The following LRRC4C variants were observed in gnomAD, a reference collection of about 807,000 sequenced individuals.
LRRC4C encodes leucine-rich repeat-containing protein 4C.
In LRRC4C, 5 loss-of-function variants were observed where a neutral mutation model predicts 33.6. The ratio of observed to expected loss-of-function variants is 0.15; its 90% CI spans 0.08 to 0.31. LRRC4C has a LOEUF of 0.31. Among genes scored for constraint, LRRC4C ranks in the 10% least tolerant of loss-of-function variants. LRRC4C has a pLI of 1.00. For missense variants in LRRC4C, 560 were observed against 796.7 expected, an observed-to-expected ratio of 0.70 and a Z score of 3.58; for synonymous variants, 329 against 302.0, an observed-to-expected ratio of 1.09 and a Z score of -0.93.
chr11:40,726,110 A>C (rs1358048551), intron 2 of LRRC4C, among the ~76,000 whole-genome samples: 2 of 152,062 alleles, frequency 1.3e-5, no homozygotes, highest in South Asian at 2.1e-4. Context: ...TGAAAGCCTG[A>C]AAAGACCAAT....
At chr11:41,011,711 C>T (rs540615488) in intron 1 of LRRC4C, among the ~76,000 whole-genome samples, 11 of 150,924 alleles carry the variant, frequency 7.3e-5, no homozygotes, top group South Asian at 4.2e-4. Context: ...TCACTAAGCC[C>T]GGGTTTCTAT....
At chr11:40,118,254 A>T (rs938714690) in intron 6 of LRRC4C, among the ~76,000 whole-genome samples, 1 of 149,264 alleles carries the variant, frequency 6.7e-6, no homozygotes, top group African/African-American at 2.4e-5. Flanking sequence ...ACAATAAATT[A>T]ATATAAAATA....
chr11:40,384,984 T>G (rs1349538953), intron 3 of LRRC4C, among the ~76,000 whole-genome samples: 2 of 152,222 alleles, frequency 1.3e-5, no homozygotes, highest in Admixed American at 6.5e-5. Context: ...CATATTTTTG[T>G]ATTGTTTTGT....
intron 1 of LRRC4C, among the ~76,000 whole-genome samples, chr11:41,077,141 G>T (rs1010978319): frequency 5.9e-5 from 9 of 152,190 alleles, no homozygotes; most frequent in African/African-American, 2.2e-4. Context: ...GCTTTCATGG[G>T]TTGGTGTTCA....
chr11:41,424,160 G>A (rs1017623122), intron 1 of LRRC4C, among the ~76,000 whole-genome samples: 1 of 151,968 alleles, frequency 6.6e-6, no homozygotes, highest in African/African-American at 2.4e-5. Context: ...ATCCCATTCC[G>A]ATAGGATGAA....
intron 2 of LRRC4C, among the ~76,000 whole-genome samples, chr11:40,751,708 A>T (rs1018267234): frequency 6.6e-6 from 1 of 152,146 alleles, no homozygotes; most frequent in Non-Finnish European, 1.5e-5. Context: ...TCCAATCCTT[A>T]TCAAAATACC....
At chr11:41,005,673 C>T (rs355244) in intron 1 of LRRC4C, among the ~76,000 whole-genome samples, 48,779 of 151,970 alleles carry the variant, frequency 0.32, 8,389 homozygotes, top group African/African-American at 0.44. Flanking sequence ...CTCTCTCTCT[C>T]GCAATGTGAC....
intron 2 of LRRC4C, among the ~76,000 whole-genome samples, chr11:40,759,626 A>G (rs982970719): frequency 2.6e-5 from 4 of 151,942 alleles, no homozygotes; most frequent in Admixed American, 2.0e-4. Context: ...ACCCTAGCCT[A>G]TTACACCAGT....
intron 1 of LRRC4C, among the ~76,000 whole-genome samples, chr11:41,054,005 T>C (rs1858440833): frequency 6.6e-6 from 1 of 152,196 alleles, no homozygotes; most frequent in South Asian, 2.1e-4. Flanking sequence ...GAGTCATAGG[T>C]TAGCATGACT....
At chr11:40,457,766 G>C (rs1401427848) in intron 3 of LRRC4C, among the ~76,000 whole-genome samples, 1 of 152,094 alleles carries the variant, frequency 6.6e-6, no homozygotes, top group East Asian at 1.9e-4. Context: ...ATCTTAACTA[G>C]TCTCCCTTCC....
chr11:40,987,435 A>G (rs1271649740), intron 1 of LRRC4C, among the ~76,000 whole-genome samples: 2 of 151,964 alleles, frequency 1.3e-5, no homozygotes, highest in African/African-American at 2.4e-5. Context: ...TCAAAAGCTC[A>G]TGGGAATTCT....
At chr11:41,258,619 C>T (rs978316484) in intron 1 of LRRC4C, among the ~76,000 whole-genome samples, 3 of 151,596 alleles carry the variant, frequency 2.0e-5, no homozygotes, top group Non-Finnish European at 4.4e-5. Context: ...ATATTGAGAA[C>T]AAGAGTATGT....
chr11:40,926,983 T>A (rs1957430460), intron 2 of LRRC4C, among the ~76,000 whole-genome samples: 1 of 152,138 alleles, frequency 6.6e-6, no homozygotes, highest in South Asian at 2.1e-4. Flanking sequence ...CCAAAATGAG[T>A]ATGCTGTTGT....
chr11:40,885,382 C>A (rs972387386), intron 2 of LRRC4C, among the ~76,000 whole-genome samples: 3 of 152,038 alleles, frequency 2.0e-5, no homozygotes. Context: ...GTTACACAGA[C>A]ACCAGGCCAC....
At chr11:40,495,405 A>G (rs899982569) in intron 3 of LRRC4C, among the ~76,000 whole-genome samples, 1 of 152,202 alleles carries the variant, frequency 6.6e-6, no homozygotes, top group African/African-American at 2.4e-5. Flanking sequence ...TGAAAAACAT[A>G]TCCACACAAA....
chr11:40,173,014 G>A (rs1437738853), intron 5 of LRRC4C, among the ~76,000 whole-genome samples: 1 of 152,184 alleles, frequency 6.6e-6, no homozygotes, highest in Non-Finnish European at 1.5e-5. Flanking sequence ...CGGCAGTCAT[G>A]AGACTGAAGC....
intron 1 of LRRC4C, among the ~76,000 whole-genome samples, chr11:41,170,982 A>C (rs1243666070): frequency 1.3e-5 from 2 of 152,116 alleles, no homozygotes; most frequent in African/African-American, 4.8e-5. Flanking sequence ...ACATTTATGC[A>C]GCCAAAAAAC....
chr11:40,695,250 T>G (rs1465555858), intron 2 of LRRC4C, among the ~76,000 whole-genome samples: 1 of 152,164 alleles, frequency 6.6e-6, no homozygotes, highest in Non-Finnish European at 1.5e-5. Context: ...CTGTGTATTT[T>G]ATAATCCAAT....
chr11:40,859,204 G>A (rs1953954689), intron 2 of LRRC4C, among the ~76,000 whole-genome samples: 2 of 152,182 alleles, frequency 1.3e-5, no homozygotes, highest in South Asian at 4.1e-4. Context: ...CAAGAGTACA[G>A]GTTCTAGAGT....
Sources: allele counts gnomAD v4.1 joint callset (sites outside exome capture counted in the v4.1 genomes callset), GRCh38; gene constraint gnomAD v4.1.1; transcripts MANE v1.5; gene names NCBI Gene and HGNC (gene_info 2026-07-23, HGNC 2026-07-21).